SEL1L: variants seen among roughly 807,000 people sequenced by gnomAD.
SEL1L encodes the protein SEL1L adaptor subunit of SYVN1 ubiquitin ligase, also known as protein sel-1 homolog 1.
In SEL1L, 52 loss-of-function variants were observed where a neutral mutation model predicts 109.8. That is an observed-to-expected ratio of 0.47 (90% CI 0.38 to 0.60). SEL1L has a LOEUF of 0.60. SEL1L is among the 20% of genes least tolerant of loss of function. The pLI, the probability that SEL1L is intolerant of heterozygous loss-of-function variation, is 0.00. For synonymous variants in SEL1L, 373 were observed against 339.6 expected, an observed-to-expected ratio of 1.10 and a Z score of -1.08; for missense variants, 749 against 962.2, an observed-to-expected ratio of 0.78 and a Z score of 2.93.
intron 1 of SEL1L, among the ~76,000 whole-genome samples, chr14:81,529,584 C>T (rs1212409390): frequency 6.6e-6 from 1 of 152,184 alleles, no homozygotes; most frequent in Non-Finnish European, 1.5e-5. Context: ...AGTAGCAAAA[C>T]GTGTTTTCAA....
chr14:81,510,589 C>A (rs1171361713), intron 3 of SEL1L, among the ~76,000 whole-genome samples: 1 of 147,508 alleles, frequency 6.8e-6, no homozygotes, highest in Non-Finnish European at 1.5e-5. Context: ...ATTGTAAAAT[C>A]AAAACAGAAA....
chr14:81,508,154 T>C (rs1441401526), intron 3 of SEL1L, among the ~76,000 whole-genome samples: 1 of 152,062 alleles, frequency 6.6e-6, no homozygotes, highest in African/African-American at 2.4e-5. Flanking sequence ...CTTTCCAGTG[T>C]GAAAAAAGAC....
At chr14:81,533,374 C>T (rs958826971) in intron 1 of SEL1L, among the ~76,000 whole-genome samples, 4 of 152,184 alleles carry the variant, frequency 2.6e-5, no homozygotes, top group Non-Finnish European at 4.4e-5. Context: ...CACTCGGGCT[C>T]CTGTATCAGG....
chr14:81,488,258 C>T (rs767112396), intron 14 of SEL1L, among the ~76,000 whole-genome samples: 5 of 152,094 alleles, frequency 3.3e-5, no homozygotes, highest in Admixed American at 1.3e-4. Context: ...ACCAATCAAC[C>T]CTTTTTAAAC....
intron 19 of SEL1L, among the ~76,000 whole-genome samples, 160 bp from the exon 20 acceptor site, chr14:81,479,900 G>A (rs1566969450): frequency 1.3e-5 from 2 of 151,976 alleles, no homozygotes; most frequent in Non-Finnish European, 2.9e-5. Context: ...GGTAAAATTC[G>A]TTTAATTATC....
chr14:81,480,851 C>T (rs1030584344), intron 19 of SEL1L, among the ~76,000 whole-genome samples: 24 of 152,194 alleles, frequency 1.6e-4, no homozygotes, highest in African/African-American at 5.8e-4. Context: ...TGCACAGCAA[C>T]GTTTCTCTGC....
intron 4 of SEL1L, 133 bp downstream of exon 4, chr14:81,505,941 T>C (rs1380121358): frequency 7.4e-6 from 6 of 814,594 alleles, no homozygotes; most frequent in Non-Finnish European, 1.1e-5. Flanking sequence ...GTCCACTCTT[T>C]AAGGCTGTAA....
intron 14 of SEL1L, among the ~76,000 whole-genome samples, chr14:81,488,263 T>C (rs1477296593): frequency 2.0e-5 from 3 of 152,170 alleles, no homozygotes; most frequent in Non-Finnish European, 4.4e-5. Flanking sequence ...TCAACCCTTT[T>C]TAAACCTCAA....
At chr14:81,514,672 T>C (rs1348621439) in intron 3 of SEL1L, among the ~76,000 whole-genome samples, 1 of 152,114 alleles carries the variant, frequency 6.6e-6, no homozygotes, top group Non-Finnish European at 1.5e-5. Context: ...GGGACCCTTG[T>C]GGGTTCTTGG....
In SEL1L at chr14:81,499,465, C is replaced by T. The variant is rs1230003756; in HGVS notation, c.885G>A (p.Met295Ile). 1 of 1,611,016 alleles carries T rather than the reference C, an allele frequency of 6.2e-7. No individual in the cohort carries two copies. The highest frequency in any genetic ancestry group is 1.3e-5 in the African/African-American group (1 of 74,852). Residue 295 changes from methionine (M) to isoleucine (I), a missense_variant, in exon 8 of 21, where the codon ATG (methionine) becomes ATA (isoleucine). Around this residue, in one of 2 missense-constraint regions of SEL1L, gnomAD observed 366 missense variants for 399.8 expected, o/e 0.92. Transcript: ENST00000336735. ...GALGGNLIAH[M>I]VLGYRYWAGI... ...TCCACTAAAGTCTACTTACCAAAAC[C>T]ATGTGGGCTATTAGATTGCCCCCAA... is the stretch of plus-strand genomic sequence containing the variant.
rs537670079 is a variant in SEL1L, at chr14:81,510,506, C to G, written c.341-4265G>C. Among the ~76,000 whole-genome samples the G allele has an allele frequency of 1.7e-4, 21 of 121,048 alleles. 1 individual carries two copies. In the South Asian group the frequency reaches 5.8e-3, roughly 34 times the overall value. 79.4% of individuals were successfully genotyped at this position (121,048 alleles called of 152,430 possible). A position where few individuals can be genotyped will look rare whatever the true frequency, so the allele number is the denominator to read the frequency against. The stretch of plus-strand genomic sequence containing the variant: ...TCTCTCTCTCTCTCTCTCTCTCTCT[C>G]TCTCTCTCTATATATATATATATAG... On this transcript the variant is annotated intron_variant, in intron 3 of 20. Coordinates refer to ENST00000336735, the MANE Select transcript of SEL1L (RefSeq NM_005065.6).
Position 81,477,164 on chromosome 14 carries a change from G to A in SEL1L, c.2193C>T (p.Thr731=). The change falls in exon 21 of 21, where the codon ACC becomes ACT. Residue 731 remains threonine (T), a synonymous_variant. Transcript: ENST00000336735. ...CCAAAAGCTGGTCCATATCAAGTTG[G>A]GTGAACATATCTCGAATCTTAATGA... is the stretch of plus-strand genomic sequence containing the variant. ...IRETNIRDMF[T]QLDMDQLLGP... 6.2e-7 allele frequency: 1 copy of A among 1,613,744 alleles called. No individual in the cohort carries two copies. Among genetic ancestry groups the A allele is most frequent in the Non-Finnish European group, 8.5e-7 (1 of 1,179,756 alleles).
chr14:81,477,954 T>C (rs1431060102), intron 20 of SEL1L, among the ~76,000 whole-genome samples: 5 of 152,242 alleles, frequency 3.3e-5, no homozygotes, highest in East Asian at 1.9e-4. Flanking sequence ...TCCCATGTAA[T>C]TGAAAATAGC....
At chr14:81,484,972 T>G (rs1311026357) in intron 18 of SEL1L, among the ~76,000 whole-genome samples, 1 of 152,218 alleles carries the variant, frequency 6.6e-6, no homozygotes, top group African/African-American at 2.4e-5. Flanking sequence ...CTTGACCATT[T>G]AGGTTTGGAG....
rs971187372 is a variant in SEL1L at position 81,533,716 on chromosome 14, A to G, written c.29T>C (p.Leu10Pro). ...CAAGCTCAGCAGCACCGCACACAGC[A>G]GCAGCGTCAGCCCTATCCGGACCCG... MRVRIGLTL[L>P]LCAVLLSLAS... The change falls in exon 1 of 21, where the codon CTG becomes CCG. Residue 10 changes from leucine (L) to proline (P), a missense_variant. Leu to Pro is a moderately conservative substitution (Grantham distance 98). Coordinates refer to ENST00000336735, the MANE Select transcript of SEL1L (RefSeq NM_005065.6). The G allele has an allele frequency of 8.1e-6, 13 of 1,613,510 alleles. No homozygotes were observed. The African/African-American group carries it at 1.6e-4, about 20-fold the overall frequency.
chr14:81,485,522 C>G (rs1206774170), intron 18 of SEL1L, 150 bp downstream of exon 18: 8 of 635,512 alleles, frequency 1.3e-5, no homozygotes, highest in South Asian at 1.3e-4. Flanking sequence ...GAACTCCTGA[C>G]CTCAAGTGAT....
At chr14:81,495,651 A>C (rs1883716058) in intron 10 of SEL1L, among the ~76,000 whole-genome samples, 1 of 151,960 alleles carries the variant, frequency 6.6e-6, no homozygotes, top group South Asian at 2.1e-4. Context: ...AAAACAAAAA[A>C]CGGGCTAGGC....
At chr14:81,497,715 G>C (rs930776860) in intron 10 of SEL1L, among the ~76,000 whole-genome samples, 177 bp downstream of exon 10, 1 of 151,870 alleles carries the variant, frequency 6.6e-6, no homozygotes, top group East Asian at 1.9e-4. Flanking sequence ...GGAATCTCCT[G>C]AGAGTGTGAG....
At chr14:81,484,456 A>G in intron 18 of SEL1L, 59 bp from the exon 19 acceptor site, 1 of 1,467,960 alleles carries the variant, frequency 6.8e-7, no homozygotes. Flanking sequence ...AAACAGATCA[A>G]ACTTTTTTCT....
Sources: gnomAD v4.1 joint callset for allele counts (sites outside exome capture counted in the v4.1 genomes callset) on GRCh38, gnomAD v4.1.1 for gene constraint, gnomAD v4.1.1 regional missense constraint, MANE v1.5 for transcripts, NCBI Gene and HGNC (gene_info 2026-07-23, HGNC 2026-07-21) for gene names.